The following GNAQ variants were observed in gnomAD, a reference collection of about 807,000 sequenced individuals.
GNAQ encodes G protein subunit alpha q.
In GNAQ, 8 loss-of-function variants were observed where a neutral mutation model predicts 43.9. The ratio of observed to expected loss-of-function variants is 0.18; its 90% confidence interval spans 0.11 to 0.33. The LOEUF is 0.33. Ranked by LOEUF, GNAQ falls within the 10% of genes least tolerant of loss-of-function variation. GNAQ has a pLI of 1.00. For missense variants in GNAQ, 158 were observed against 450.8 expected (o/e 0.35, Z 5.88); for synonymous variants, 155 against 170.7 (o/e 0.91, Z 0.71).
At chr9:77,733,267 A>G (rs1825523700) in intron 5 of GNAQ, among the ~76,000 whole-genome samples, 2 of 152,088 alleles carry the variant, frequency 1.3e-5, no homozygotes, top group Non-Finnish European at 2.9e-5. Context: ...TACCTCTAAT[A>G]TTTATTTAAC....
chr9:78,025,431 T>G (rs1336705597), intron 1 of GNAQ, among the ~76,000 whole-genome samples: 4 of 152,168 alleles, frequency 2.6e-5, no homozygotes, highest in African/African-American at 9.7e-5. Flanking sequence ...TGCCACAGAT[T>G]TAATTACCAA....
chr9:77,842,943 C>T (rs1321525329), intron 2 of GNAQ, among the ~76,000 whole-genome samples: 3 of 152,146 alleles, frequency 2.0e-5, no homozygotes, highest in Non-Finnish European at 4.4e-5. Context: ...TGAAAGGGCT[C>T]AAATGACAGA....
chr9:77,874,457 A>G (rs1828098572), intron 2 of GNAQ, among the ~76,000 whole-genome samples: 1 of 152,138 alleles, frequency 6.6e-6, no homozygotes, highest in African/African-American at 2.4e-5. Flanking sequence ...GAATTTGCAG[A>G]TACAATTAGA....
chr9:77,949,259 C>T (rs1822945156), intron 1 of GNAQ, among the ~76,000 whole-genome samples: 1 of 152,162 alleles, frequency 6.6e-6, no homozygotes, highest in Non-Finnish European at 1.5e-5. Flanking sequence ...TAGCTCAGCC[C>T]TGGTGCAGAG....
chr9:77,726,321 A>G (rs1249488288), intron 6 of GNAQ, among the ~76,000 whole-genome samples: 1 of 152,380 alleles, frequency 6.6e-6, no homozygotes, highest in Middle Eastern at 3.4e-3. Context: ...TATGAACACA[A>G]TGCTAACAAA....
At chr9:77,810,617 T>C (rs527832994) in intron 3 of GNAQ, among the ~76,000 whole-genome samples, 5 of 152,228 alleles carry the variant, frequency 3.3e-5, no homozygotes, top group Non-Finnish European at 5.9e-5. Context: ...TTGAATGCCT[T>C]CGGCTCTAAA....
intron 1 of GNAQ, among the ~76,000 whole-genome samples, chr9:78,027,139 T>TGG (rs1490902062): frequency 6.6e-6 from 1 of 152,226 alleles, no homozygotes; most frequent in African/African-American, 2.4e-5. Flanking sequence ...TGTAATACAC[T>TGG]GGTTCAATGT....
At chr9:77,760,408 T>A (rs1381534735) in intron 5 of GNAQ, among the ~76,000 whole-genome samples, 2 of 152,126 alleles carry the variant, frequency 1.3e-5, no homozygotes, top group Non-Finnish European at 2.9e-5. Flanking sequence ...GGGGTTTCGC[T>A]GTGTTGGCCG....
At chr9:77,815,854 A>T in intron 2 of GNAQ, 84 bp from the exon 3 acceptor site, 1 of 795,968 alleles carries the variant, frequency 1.3e-6, no homozygotes, top group Non-Finnish European at 2.1e-6. Flanking sequence ...TATACAATTC[A>T]GGTAACACCT....
intron 2 of GNAQ, among the ~76,000 whole-genome samples, chr9:77,870,760 A>G (rs1340545353): frequency 3.3e-5 from 5 of 152,172 alleles, no homozygotes; most frequent in African/African-American, 4.8e-5. Context: ...ACTGTGGTAC[A>G]TTCCAAATAA....
chr9:77,867,824 T>C (rs868357076), intron 2 of GNAQ, among the ~76,000 whole-genome samples: 1 of 152,242 alleles, frequency 6.6e-6, no homozygotes, highest in Non-Finnish European at 1.5e-5. Context: ...CATAGTATTA[T>C]GGAAGAGGAC....
chr9:78,015,113 T>C (rs1417826806), intron 1 of GNAQ, among the ~76,000 whole-genome samples: 1 of 152,220 alleles, frequency 6.6e-6, no homozygotes, highest in Non-Finnish European at 1.5e-5. Context: ...GCGCTCTATG[T>C]GTATCATATT....
intron 2 of GNAQ, among the ~76,000 whole-genome samples, chr9:77,837,523 T>C (rs1425683432): frequency 6.6e-6 from 1 of 152,006 alleles, no homozygotes; most frequent in East Asian, 1.9e-4. Context: ...CACTGCACTC[T>C]AGCCTGGGTG....
chr9:77,860,319 G>C (rs1476669341), intron 2 of GNAQ, among the ~76,000 whole-genome samples: 1 of 152,106 alleles, frequency 6.6e-6, no homozygotes, highest in African/African-American at 2.4e-5. Flanking sequence ...TTCCCTGCTA[G>C]ACAATGCCCT....
At chr9:78,001,830 A>T (rs950995470) in intron 1 of GNAQ, among the ~76,000 whole-genome samples, 9 of 152,184 alleles carry the variant, frequency 5.9e-5, no homozygotes, top group African/African-American at 2.2e-4. Context: ...ATTGATAAGT[A>T]ATAGGACTAA....
intron 1 of GNAQ, among the ~76,000 whole-genome samples, chr9:77,932,271 C>T (rs777349846): frequency 4.6e-5 from 7 of 152,084 alleles, no homozygotes; most frequent in South Asian, 4.1e-4. Context: ...ATTGTTTATT[C>T]TTAATTTTAT....
At chr9:77,937,086 A>AT (rs1334572907) in intron 1 of GNAQ, among the ~76,000 whole-genome samples, 1 of 152,156 alleles carries the variant, frequency 6.6e-6, no homozygotes, top group Non-Finnish European at 1.5e-5. Context: ...CAGGTAATTA[A>AT]TTTTTTTCTA....
rs79386848 is a variant in GNAQ, at chr9:78,007,770, G to C, written c.136+23330C>G. Among the ~76,000 whole-genome samples, 136 of 152,292 alleles carry C rather than the reference G, an allele frequency of 8.9e-4. 1 individual carries two copies. In the East Asian group the frequency reaches 0.022, roughly 25 times the overall value. On this transcript the variant is annotated intron_variant, in intron 1 of 6. Transcript: ENST00000286548. ...ATCTTGTGAGATCCCACACATCTGG[G>C]AACAGGGCTGTAATTTATCCACATG...
intron 1 of GNAQ, among the ~76,000 whole-genome samples, chr9:77,982,808 A>G (rs1284162787): frequency 1.3e-5 from 2 of 151,114 alleles, no homozygotes; most frequent in African/African-American, 4.9e-5. Context: ...GAGTGGGGAG[A>G]GGGGGGAGGG....
Sources: gnomAD v4.1 joint callset for allele counts (sites outside exome capture counted in the v4.1 genomes callset) on GRCh38, gnomAD v4.1.1 for gene constraint, MANE v1.5 for transcripts, NCBI Gene and HGNC (gene_info 2026-07-23, HGNC 2026-07-21) for gene names.